Variants in ATP10D observed in about 807,000 individuals in gnomAD.
ATP10D encodes ATPase phospholipid transporting 10D (putative), also known as phospholipid-transporting ATPase VD.
A neutral mutation model predicts 144.8 loss-of-function variants in ATP10D; 89 were observed. The observed-to-expected ratio is 0.61, with a 90% confidence interval of 0.52 to 0.73. The LOEUF is 0.73. ATP10D is among the 30% of genes least tolerant of loss of function. The pLI is 0.00. For missense variants in ATP10D, 1,603 were observed against 1,714.8 expected (o/e 0.93, Z 1.15); for synonymous variants, 571 against 615.1 (o/e 0.93, Z 1.06).
chr4:47,538,342 T>C (rs1717954202), intron 9 of ATP10D, among the ~76,000 whole-genome samples: 1 of 152,200 alleles, frequency 6.6e-6, no homozygotes, highest in Admixed American at 6.5e-5. Flanking sequence ...TCTAGATTGT[T>C]TGTGGCCAGC....
intron 1 of ATP10D, 61 bp downstream of exon 1, chr4:47,485,580 CT>C: frequency 6.6e-6 from 1 of 152,278 alleles, no homozygotes; most frequent in Non-Finnish European, 1.5e-5. Context: ...CGCCCACCCG[CT>C]TTTCCTTTCT....
At chr4:47,557,468 TTATC>T (rs1184011803) in intron 11 of ATP10D, among the ~76,000 whole-genome samples, 192 bp from the exon 12 acceptor site, 1 of 152,058 alleles carries the variant, frequency 6.6e-6, no homozygotes, top group Non-Finnish European at 1.5e-5. Context: ...AAAAATCAAA[TTATC>T]TGAATAGTTA....
chr4:47,558,167 A>G lies in ATP10D; in HGVS notation c.2328A>G (p.Arg776=). 1.2e-6 allele frequency: 2 copies of G among 1,614,186 alleles called. No homozygotes were observed. The highest frequency in any genetic ancestry group is 1.3e-5 in the African/African-American group (1 of 75,056). Residue 776 remains arginine (R), a synonymous_variant, in exon 12 of 23, where the codon AGA becomes AGG. Transcript: ENST00000273859. ...ACATCCTGCCCTTTGACTCAGTAAG[A>G]AAAAGAATGTCTGTTGTGGTCCGAC... ...LLHILPFDSV[R]KRMSVVVRHP... is the part of the protein sequence containing the mutation.
Position 47,592,517 on chromosome 4 carries a change from T to TAAG in ATP10D, c.*1137_*1139dup, listed in dbSNP as rs1368029016. The stretch of plus-strand genomic sequence containing the variant: ...TTAGTTGTAACAAACGATTTTATTC[T>TAAG]AAGTAAGGCCAGGTGCTACTATAAA... On this transcript the variant is annotated 3_prime_UTR_variant, in exon 23 of 23. Coordinates refer to ENST00000273859, the MANE Select transcript of ATP10D (RefSeq NM_020453.4). 1 of 152,578 alleles carries TAAG rather than the reference T, an allele frequency of 6.6e-6. No homozygotes were observed. The highest frequency in any genetic ancestry group is 2.4e-5 in the African/African-American group (1 of 41,450). The allele number at this position is 152,578 out of a possible 1,614,324, so 9.5% of individuals were successfully genotyped here.
At chr4:47,530,740 GC>G (rs1717525266) in intron 5 of ATP10D, among the ~76,000 whole-genome samples, 1 of 152,186 alleles carries the variant, frequency 6.6e-6, no homozygotes, top group Non-Finnish European at 1.5e-5. Flanking sequence ...ACAGGCATGA[GC>G]CACTGCGCCC....
intron 9 of ATP10D, among the ~76,000 whole-genome samples, chr4:47,545,024 T>G (rs1303897742): frequency 1.3e-5 from 2 of 151,992 alleles, no homozygotes; most frequent in Non-Finnish European, 2.9e-5. Flanking sequence ...TAAAATAAGG[T>G]GGTATAATAT....
At position 47,560,970 on chromosome 4, in the gene ATP10D, G is replaced by A. The variant is rs1485783508; in HGVS notation, c.2563G>A (p.Ala855Thr). ...GTAGGTCATGAGTGACACTGAATAT[G>A]CAGAGTGGCTGAGGAATCATTTTTT... ...AKKVMSDTEY[A>T]EWLRNHFLAE... The change falls in exon 14 of 23, where the codon GCA becomes ACA. Residue 855 changes from alanine to threonine, a missense_variant. Transcript: ENST00000273859. The A allele has an allele frequency of 6.2e-7, 1 of 1,614,104 alleles. No homozygotes were observed. Among genetic ancestry groups the A allele is most frequent in the African/African-American group, 1.3e-5 (1 of 75,058 alleles).
chr4:47,532,810 G>C (rs924039413), intron 5 of ATP10D, among the ~76,000 whole-genome samples: 1 of 152,034 alleles, frequency 6.6e-6, no homozygotes, highest in African/African-American at 2.4e-5. Flanking sequence ...ACTCTTACAT[G>C]TTTCTACCTG....
intron 10 of ATP10D, among the ~76,000 whole-genome samples, chr4:47,550,202 T>C (rs369659105): frequency 2.9e-4 from 44 of 152,292 alleles, no homozygotes; most frequent in Non-Finnish European, 5.6e-4. Flanking sequence ...CTTTGTCCAC[T>C]ACTAAACCGT....
intron 19 of ATP10D, among the ~76,000 whole-genome samples, chr4:47,579,334 G>A (rs1720392740): frequency 1.3e-5 from 2 of 152,210 alleles, no homozygotes; most frequent in South Asian, 4.1e-4. Flanking sequence ...CACTGTTTTA[G>A]TCGCTTGAAT....
At chr4:47,512,879 A>G (rs768045084) in intron 2 of ATP10D, 49 bp downstream of exon 2, 30 of 1,489,366 alleles carry the variant, frequency 2.0e-5, no homozygotes, top group Non-Finnish European at 2.5e-5. Flanking sequence ...TCTAGTTGAT[A>G]TATAACATAT....
At chr4:47,515,246 C>A (rs1441205241) in intron 2 of ATP10D, among the ~76,000 whole-genome samples, 1 of 152,096 alleles carries the variant, frequency 6.6e-6, no homozygotes, top group Non-Finnish European at 1.5e-5. Flanking sequence ...TAGCCGTGAG[C>A]CACCACACCC....
intron 20 of ATP10D, among the ~76,000 whole-genome samples, chr4:47,581,317 C>A (rs1720503668): frequency 6.6e-6 from 1 of 152,184 alleles, no homozygotes; most frequent in African/African-American, 2.4e-5. Context: ...CACATATACC[C>A]TTCTCCTAAA....
At chr4:47,530,968 T>C (rs1560427721) in intron 5 of ATP10D, among the ~76,000 whole-genome samples, 2 of 152,188 alleles carry the variant, frequency 1.3e-5, no homozygotes, top group Non-Finnish European at 2.9e-5. Flanking sequence ...TTTGTTGTTG[T>C]TGTGTCCTTG....
At chr4:47,555,745 TA>T (rs1475074066) in intron 11 of ATP10D, among the ~76,000 whole-genome samples, 4 of 152,110 alleles carry the variant, frequency 2.6e-5, no homozygotes, top group Non-Finnish European at 5.9e-5. Flanking sequence ...TGTTTAATAA[TA>T]TTTTTTTCTT....
intron 9 of ATP10D, among the ~76,000 whole-genome samples, chr4:47,537,679 T>C (rs1717922919): frequency 2.6e-5 from 4 of 152,182 alleles, no homozygotes; most frequent in Non-Finnish European, 5.9e-5. Context: ...GTTTATTTTA[T>C]TCAACAATGT....
At chr4:47,569,666 A>G (rs1719839797) in intron 16 of ATP10D, among the ~76,000 whole-genome samples, 1 of 152,208 alleles carries the variant, frequency 6.6e-6, no homozygotes, top group Non-Finnish European at 1.5e-5. Flanking sequence ...ATAAATCTGT[A>G]AGGTATCAGG....
intron 1 of ATP10D, among the ~76,000 whole-genome samples, chr4:47,507,369 A>G (rs1716073806): frequency 6.6e-6 from 1 of 152,184 alleles, no homozygotes; most frequent in African/African-American, 2.4e-5. Flanking sequence ...CTGGCTCCAG[A>G]ACCTGTGCTC....
chr4:47,543,867 GA>G (rs1224974666), intron 9 of ATP10D, among the ~76,000 whole-genome samples: 2 of 151,812 alleles, frequency 1.3e-5, no homozygotes, highest in African/African-American at 2.4e-5. Flanking sequence ...ATATATGCAT[GA>G]AAAAAGGAGG....
Sources: gnomAD v4.1 joint callset for allele counts (sites outside exome capture counted in the v4.1 genomes callset) on GRCh38, gnomAD v4.1.1 for gene constraint, MANE v1.5 for transcripts, NCBI Gene and HGNC (gene_info 2026-07-23, HGNC 2026-07-21) for gene names.